Variants in PHACTR4 observed in about 807,000 individuals in gnomAD.
PHACTR4 encodes the protein phosphatase and actin regulator 4.
A neutral mutation model predicts 72.7 loss-of-function variants in PHACTR4; 51 were observed. The observed-to-expected ratio is 0.70, with a 90% confidence interval of 0.56 to 0.89. The LOEUF (loss-of-function observed/expected upper bound fraction) is 0.89. PHACTR4 is among the 40% of genes least tolerant of loss of function. The pLI is 0.00. For synonymous variants in PHACTR4, 255 were observed against 302.5 expected (o/e 0.84, Z 1.63); for missense variants, 731 against 861.8 (o/e 0.85, Z 1.90).
At chr1:28,408,794 G>C (rs570048635) in intron 2 of PHACTR4, among the ~76,000 whole-genome samples, 2 of 150,740 alleles carry the variant, frequency 1.3e-5, no homozygotes, top group South Asian at 4.2e-4. Context: ...TTTCAACTCA[G>C]CCTCCTGAGT....
intron 1 of PHACTR4, among the ~76,000 whole-genome samples, chr1:28,376,086 AAAC>A (rs1384091961): frequency 8.6e-5 from 13 of 151,708 alleles, no homozygotes; most frequent in African/African-American, 2.4e-4. Context: ...ACAAACAAAC[AAAC>A]AAAAAAAACT....
intron 2 of PHACTR4, among the ~76,000 whole-genome samples, chr1:28,434,235 C>T (rs1040388566): frequency 1.3e-5 from 2 of 152,110 alleles, no homozygotes; most frequent in African/African-American, 4.8e-5. Context: ...TGGCTCTGAG[C>T]AGGCATTTAA....
chr1:28,440,456 C>T (rs1180323416), intron 2 of PHACTR4, among the ~76,000 whole-genome samples: 1 of 108,112 alleles, frequency 9.2e-6, no homozygotes, highest in African/African-American at 3.8e-5. Flanking sequence ...AGTGCAGTGG[C>T]TTGATCTCGG....
chr1:28,493,651 A>G (rs529945394), intron 13 of PHACTR4, among the ~76,000 whole-genome samples: 1 of 152,308 alleles, frequency 6.6e-6, no homozygotes, highest in East Asian at 1.9e-4. Flanking sequence ...TTTATCACTG[A>G]GGAAATGGAG....
chr1:28,496,415 C>T (rs556196981), intron 13 of PHACTR4, 119 bp from the exon 14 acceptor site: 4 of 1,139,408 alleles, frequency 3.5e-6, no homozygotes, highest in Admixed American at 3.6e-5. Flanking sequence ...AAGGTCAGGT[C>T]GAATTAGAGC....
In PHACTR4 at chr1:28,459,104, T is replaced by C. The variant is rs1369637039; in HGVS notation, c.36T>C (p.Thr12=). Reference sequence around the variant, plus strand: ...TAACAGAGGAAGCAGACCAGCCCACTACAGAGCCAGGCATGGTCCTGGACA... The same window carrying C: ...TAACAGAGGAAGCAGACCAGCCCACCACAGAGCCAGGCATGGTCCTGGACA... ...EDPFEEADQP[T]TEPGMVLDSV... The change falls in exon 3 of 14, where the codon ACT becomes ACC. Residue 12 remains threonine (T), a synonymous_variant. Coordinates refer to ENST00000373839, the MANE Select transcript of PHACTR4 (RefSeq NM_001048183.3). 3 of 1,612,246 alleles carry C rather than the reference T, an allele frequency of 1.9e-6. No individual in the cohort carries two copies. Among genetic ancestry groups the C allele is most frequent in the East Asian group, 2.2e-5 (1 of 44,866 alleles).
At chr1:28,482,399 C>T (rs1299508452) in intron 9 of PHACTR4, among the ~76,000 whole-genome samples, 2 of 152,090 alleles carry the variant, frequency 1.3e-5, no homozygotes, top group Non-Finnish European at 2.9e-5. Flanking sequence ...TGCCTCCTTT[C>T]AAAGTGTTGG....
chr1:28,421,370 G>A (rs763172756), intron 2 of PHACTR4, among the ~76,000 whole-genome samples: 1 of 151,344 alleles, frequency 6.6e-6, no homozygotes, highest in African/African-American at 2.4e-5. Flanking sequence ...TCTAATCCTC[G>A]TTGAAGATTC....
chr1:28,431,493 C>T (rs967731916), intron 2 of PHACTR4, among the ~76,000 whole-genome samples: 3 of 151,730 alleles, frequency 2.0e-5, no homozygotes, highest in Non-Finnish European at 4.4e-5. Flanking sequence ...GCACCAGCCA[C>T]TACAATACAA....
At chr1:28,421,556 G>A (rs1051988416) in intron 2 of PHACTR4, among the ~76,000 whole-genome samples, 5 of 151,786 alleles carry the variant, frequency 3.3e-5, no homozygotes, top group African/African-American at 1.2e-4. Flanking sequence ...TTCTTATTTA[G>A]GTTTCCTTTA....
At position 28,500,174 on chromosome 1, in the gene PHACTR4, C is replaced by T. The variant is rs1360533255; in HGVS notation, c.*3625C>T. On this transcript the variant is annotated 3_prime_UTR_variant, in exon 14 of 14. Transcript: ENST00000373839. ...TATATAAAAATGGATTTTGTGTTCC[C>T]TTTCCATGTAAGTACCAACTTATAT... The T allele has an allele frequency of 6.6e-6, 1 of 151,968 alleles. No homozygotes were observed. Among genetic ancestry groups the T allele is most frequent in the African/African-American group, 2.4e-5 (1 of 41,372 alleles). 9.4% of individuals were successfully genotyped at this position (151,968 alleles called of 1,614,324 possible).
intron 1 of PHACTR4, among the ~76,000 whole-genome samples, chr1:28,398,197 G>A (rs1369334126): frequency 6.6e-6 from 1 of 152,148 alleles, no homozygotes; most frequent in Non-Finnish European, 1.5e-5. Context: ...CACCAAGGCT[G>A]TGGCTGCCAT....
At chr1:28,468,527 C>T (rs759693127) in intron 6 of PHACTR4, among the ~76,000 whole-genome samples, 13 of 152,164 alleles carry the variant, frequency 8.5e-5, no homozygotes, top group East Asian at 1.9e-4. Flanking sequence ...GGGAAGCAGA[C>T]GTTGCAGTGA....
chr1:28,421,416 T>G (rs1463517397), intron 2 of PHACTR4, among the ~76,000 whole-genome samples: 1 of 151,742 alleles, frequency 6.6e-6, no homozygotes, highest in Non-Finnish European at 1.5e-5. Flanking sequence ...TGATTCCTCA[T>G]CAAACCAGTG....
intron 2 of PHACTR4, among the ~76,000 whole-genome samples, chr1:28,418,919 C>A (rs542090415): frequency 6.6e-6 from 1 of 150,902 alleles, no homozygotes; most frequent in Non-Finnish European, 1.5e-5. Flanking sequence ...CCACTGCACA[C>A]CAGCCTGGGT....
intron 1 of PHACTR4, 71 bp from the exon 2 acceptor site, chr1:28,407,339 A>AT (rs1466432420): frequency 1.3e-6 from 1 of 757,560 alleles, no homozygotes; most frequent in Non-Finnish European, 2.1e-6. Flanking sequence ...AATTAGGATT[A>AT]TTTTTTTAAA....
intron 1 of PHACTR4, among the ~76,000 whole-genome samples, chr1:28,391,575 T>C (rs1456625112): frequency 1.3e-5 from 2 of 148,808 alleles, no homozygotes; most frequent in Non-Finnish European, 3.0e-5. Context: ...TTGTACAACA[T>C]AGTGACCTTA....
Position 28,496,910 on chromosome 1 carries a change from C to T in PHACTR4, c.*361C>T. 1 of 335,770 alleles carries T rather than the reference C, an allele frequency of 3.0e-6. No individual in the cohort carries two copies. 20.8% of individuals were successfully genotyped at this position (335,770 alleles called of 1,614,324 possible). A position where few individuals can be genotyped will look rare whatever the true frequency, so the allele number is the denominator to read the frequency against. On this transcript the variant is annotated 3_prime_UTR_variant, in exon 14 of 14. Transcript: ENST00000373839. ...GCAGAGACACAGTTTGCACCATTAG[C>T]CTTACCTGCCCTGCCCTGATTGTGA... is the stretch of plus-strand genomic sequence containing the variant.
rs1384154541 is a variant in PHACTR4 at position 28,491,713 on chromosome 1, G to T, written c.1942G>T (p.Val648Leu). ...GAAGATTCTGAGGTTTAATGAATAT[G>T]TAGAGGTAACAGATGCTCAAGATTA... ...ARKILRFNEY[V>L]EVTDAQDYDR... is the part of the protein sequence containing the mutation. Residue 648 changes from valine (V) to leucine (L), a missense_variant, in exon 12 of 14, where the codon GTA (valine) becomes TTA (leucine). Physicochemically the swap from Val to Leu is conservative, Grantham distance 32. This residue lies in a region of PHACTR4 where 110 missense variants were observed against 185.2 expected (regional missense o/e 0.59). Coordinates refer to ENST00000373839, the MANE Select transcript of PHACTR4 (RefSeq NM_001048183.3). 6.2e-7 allele frequency: 1 copy of T among 1,614,070 alleles called. No individual in the cohort carries two copies. The highest frequency in any genetic ancestry group is 8.5e-7 in the Non-Finnish European group (1 of 1,180,036).
Sources: gnomAD v4.1 joint callset for allele counts (sites outside exome capture counted in the v4.1 genomes callset) on GRCh38, gnomAD v4.1.1 for gene constraint, gnomAD v4.1.1 regional missense constraint, MANE v1.5 for transcripts, NCBI Gene and HGNC (gene_info 2026-07-23, HGNC 2026-07-21) for gene names.